The following UBE3C variants were observed in gnomAD, a reference collection of about 807,000 sequenced individuals.
UBE3C encodes the protein ubiquitin protein ligase E3C.
UBE3C carries 42 observed loss-of-function variants against 129.4 expected under a neutral mutation model. That is an observed-to-expected ratio of 0.32 (90% CI 0.25 to 0.42). The LOEUF (loss-of-function observed/expected upper bound fraction) is 0.42. Ranked by LOEUF, UBE3C falls within the 10% of genes least tolerant of loss-of-function variation. The pLI is 1.00. For synonymous variants in UBE3C, 510 were observed against 492.4 expected (o/e 1.04, Z -0.47); for missense variants, 1,049 against 1,319.1 (o/e 0.80, Z 3.17).
chr7:157,225,459 C>T lies in UBE3C; in HGVS notation c.2153C>T (p.Pro718Leu). 6.2e-7 allele frequency: 1 copy of T among 1,605,242 alleles called. No individual in the cohort carries two copies. Among genetic ancestry groups the T allele is most frequent in the Non-Finnish European group, 8.5e-7 (1 of 1,177,812 alleles). The change falls in exon 17 of 23, where the codon CCA (proline) becomes CTA (leucine). Residue 718 changes from proline to leucine, a missense_variant. This residue lies in a region of UBE3C where 314 missense variants were observed against 416.9 expected (regional missense o/e 0.75). Transcript: ENST00000348165. The stretch of plus-strand genomic sequence containing the variant: ...AAGCAAGAAGTTCAAGGAGATGGTC[C>T]ATTTCTGGATGGAATTAATGTCACA... Reference protein sequence around the residue: ...ADKQEVQGDGPFLDGINVTIR... With the variant: ...ADKQEVQGDGLFLDGINVTIR...
In UBE3C at chr7:157,231,285, T is replaced by C. The variant is rs766380512; in HGVS notation, c.2439T>C (p.Ser813=). ...NPAAQMLVGD[S]FARHYYFLGR... Reference sequence around the variant, plus strand: ...CTGCTCAGATGCTTGTGGGAGATTCTTTTGCCAGACATTACTACTTCCTAG... The same window carrying C: ...CTGCTCAGATGCTTGTGGGAGATTCCTTTGCCAGACATTACTACTTCCTAG... Residue 813 remains serine (S), a synonymous_variant, in exon 18 of 23, where the codon TCT becomes TCC. Transcript: ENST00000348165. The C allele has an allele frequency of 6.2e-7, 1 of 1,614,162 alleles. No homozygotes were observed. The highest frequency in any genetic ancestry group is 8.5e-7 in the Non-Finnish European group (1 of 1,180,024).
At chr7:157,159,216 T>C (rs563335457) in intron 1 of UBE3C, among the ~76,000 whole-genome samples, 2 of 152,112 alleles carry the variant, frequency 1.3e-5, no homozygotes, top group South Asian at 4.2e-4. Context: ...CACACCATGA[T>C]TGTGGAGGAA....
intron 13 of UBE3C, among the ~76,000 whole-genome samples, chr7:157,208,955 C>A (rs1809515186): frequency 6.6e-6 from 1 of 152,252 alleles, no homozygotes; most frequent in South Asian, 2.1e-4. Flanking sequence ...CGACCTCTCG[C>A]ACACTAATGT....
At chr7:157,151,133 C>A (rs892511790) in intron 1 of UBE3C, among the ~76,000 whole-genome samples, 2 of 152,176 alleles carry the variant, frequency 1.3e-5, no homozygotes, top group African/African-American at 4.8e-5. Context: ...GGCTCCACCC[C>A]CTAAAGGGCA....
chr7:157,264,897 C>G (rs1797035569), intron 22 of UBE3C, among the ~76,000 whole-genome samples: 1 of 152,176 alleles, frequency 6.6e-6, no homozygotes, highest in African/African-American at 2.4e-5. Flanking sequence ...ATAATTTTAG[C>G]TGTATCTTGT....
chr7:157,230,256 C>T (rs1457985200), intron 17 of UBE3C, among the ~76,000 whole-genome samples: 2 of 152,124 alleles, frequency 1.3e-5, no homozygotes, highest in Non-Finnish European at 2.9e-5. Context: ...ATTTTCCCCC[C>T]TTTTCAGCCA....
chr7:157,246,914 A>G (rs1584818763), intron 18 of UBE3C, among the ~76,000 whole-genome samples: 2 of 152,090 alleles, frequency 1.3e-5, no homozygotes, highest in East Asian at 3.9e-4. Flanking sequence ...TTTGAGACGG[A>G]GTTTTTGCTC....
rs145535655 is a variant in UBE3C at position 157,232,913 on chromosome 7, A to T, written c.2481+1586A>T. The stretch of plus-strand genomic sequence containing the variant: ...TATTAAAATATAACTCACATTATGG[A>T]AAATTGAACCTTTTAAAGTGTACAG... On this transcript the variant is annotated intron_variant, in intron 18 of 22. Coordinates refer to ENST00000348165, the MANE Select transcript of UBE3C (RefSeq NM_014671.3). Among the ~76,000 whole-genome samples the T allele has an allele frequency of 4.4e-3, 670 of 152,286 alleles. 5 individuals are homozygous for T. Among genetic ancestry groups the T allele is most frequent in the African/African-American group, 0.015 (630 of 41,552 alleles).
At chr7:157,173,317 AG>A (rs1808430226) in intron 4 of UBE3C, among the ~76,000 whole-genome samples, 1 of 152,230 alleles carries the variant, frequency 6.6e-6, no homozygotes, top group Non-Finnish European at 1.5e-5. Context: ...TCAAGGCTGC[AG>A]TGAGCTATGA....
chr7:157,168,334 CAAAAA>C (rs34110466), intron 2 of UBE3C, among the ~76,000 whole-genome samples: 1 of 110,050 alleles, frequency 9.1e-6, no homozygotes, highest in Admixed American at 9.2e-5. Context: ...GACTCTGTCT[CAAAAA>C]AAAAAAAAAA....
In UBE3C at chr7:157,225,401, T is replaced by C; in HGVS notation, c.2101-6T>C. 8 of 1,592,810 alleles carry C rather than the reference T, an allele frequency of 5.0e-6. No homozygotes were observed. The highest frequency in any genetic ancestry group is 6.8e-6 in the Non-Finnish European group (8 of 1,174,664). On this transcript the variant is annotated splice_polypyrimidine_tract_variant and splice_region_variant and intron_variant, in intron 16 of 22. Transcript: ENST00000348165. ...TAATAACCTTACAGCTTTCCTTGTTTGTTAGATCTTTCAGAGGTTGATTTA... is the reference window on the plus strand; with the variant it reads ...TAATAACCTTACAGCTTTCCTTGTTCGTTAGATCTTTCAGAGGTTGATTTA...
intron 1 of UBE3C, among the ~76,000 whole-genome samples, chr7:157,143,100 C>T (rs1284636519): frequency 6.6e-6 from 1 of 152,094 alleles, no homozygotes; most frequent in Non-Finnish European, 1.5e-5. Context: ...CTCCCGACCT[C>T]AGGTGATCCG....
chr7:157,263,564 T>G (rs1796980188), intron 22 of UBE3C, among the ~76,000 whole-genome samples: 1 of 151,590 alleles, frequency 6.6e-6, no homozygotes, highest in Non-Finnish European at 1.5e-5. Flanking sequence ...CTCGGGAGGT[T>G]GAGGCAAGAG....
chr7:157,212,589 A>G (rs1809628207), intron 13 of UBE3C, among the ~76,000 whole-genome samples: 2 of 152,244 alleles, frequency 1.3e-5, no homozygotes, highest in South Asian at 4.1e-4. Flanking sequence ...TTTACCTTGA[A>G]CAGTTGTCAA....
At chr7:157,183,834 A>G in intron 8 of UBE3C, 44 bp from the exon 9 acceptor site, 1 of 1,571,806 alleles carries the variant, frequency 6.4e-7, no homozygotes, top group Admixed American at 1.9e-5. Flanking sequence ...ATTTTAAAAA[A>G]TAATGTTTAA....
chr7:157,187,686 C>A (rs1268646213), intron 10 of UBE3C, among the ~76,000 whole-genome samples: 2 of 151,796 alleles, frequency 1.3e-5, no homozygotes, highest in Non-Finnish European at 2.9e-5. Flanking sequence ...ATGCCATTCT[C>A]CTGCCTCAGC....
At chr7:157,209,036 AAG>A (rs1809517324) in intron 13 of UBE3C, among the ~76,000 whole-genome samples, 1 of 152,264 alleles carries the variant, frequency 6.6e-6, no homozygotes, top group Non-Finnish European at 1.5e-5. Context: ...ATTTAATTGA[AAG>A]AAGTTAATTG....
intron 11 of UBE3C, 27 bp from the exon 12 acceptor site, chr7:157,207,371 T>A (rs748495412): frequency 1.9e-6 from 3 of 1,590,060 alleles, no homozygotes; most frequent in Non-Finnish European, 2.6e-6. Context: ...AAGTGACTGG[T>A]TTTTTTCTTC....
chr7:157,239,002 A>G (rs926028918), intron 18 of UBE3C, among the ~76,000 whole-genome samples: 5 of 152,200 alleles, frequency 3.3e-5, no homozygotes, highest in African/African-American at 1.2e-4. Flanking sequence ...CACTCTGGAC[A>G]AGTGATTTCT....
Sources: allele counts gnomAD v4.1 joint callset (sites outside exome capture counted in the v4.1 genomes callset), GRCh38; gene constraint gnomAD v4.1.1; regional missense constraint gnomAD v4.1.1; transcripts MANE v1.5; gene names NCBI Gene and HGNC (gene_info 2026-07-23, HGNC 2026-07-21).